GRM5: variants seen among roughly 807,000 people sequenced by gnomAD.
GRM5 encodes metabotropic glutamate receptor 5.
Under a neutral mutation model 83.1 loss-of-function variants are expected in GRM5, and 19 were observed. The observed-to-expected ratio is 0.23, with a 90% CI of 0.16 to 0.34. The LOEUF is 0.34. Among genes scored for constraint, GRM5 ranks in the 10% least tolerant of loss-of-function variants. The pLI is 1.00. For missense variants in GRM5, 1,160 were observed against 1,588.3 expected, an observed-to-expected ratio of 0.73 and a Z score of 4.58; for synonymous variants, 675 against 633.6, an observed-to-expected ratio of 1.07 and a Z score of -0.98.
In GRM5 at chr11:88,763,005, C is replaced by T. The variant is rs541776228; in HGVS notation, c.911+86901G>A. Among the ~76,000 whole-genome samples, 13 of 151,874 alleles carry T rather than the reference C, an allele frequency of 8.6e-5. No individual in the cohort carries two copies. The Middle Eastern group carries it at 0.01, about 119-fold the overall frequency. On this transcript the variant is annotated intron_variant, in intron 3 of 9. Coordinates refer to ENST00000305447, the MANE Select transcript of GRM5 (RefSeq NM_001143831.3). Reference sequence around the variant, plus strand: ...TGGACACATAGAGGAGAATAACAGACGTGGGAGACTACCAGGGGTTGGAGC... The same window carrying T: ...TGGACACATAGAGGAGAATAACAGATGTGGGAGACTACCAGGGGTTGGAGC...
intron 8 of GRM5, among the ~76,000 whole-genome samples, chr11:88,557,237 A>T (rs1162311697): frequency 6.6e-6 from 1 of 152,162 alleles, no homozygotes; most frequent in East Asian, 1.9e-4. Flanking sequence ...CTATGTGAAG[A>T]TCCAATGAGA....
intron 3 of GRM5, among the ~76,000 whole-genome samples, chr11:88,736,011 C>T (rs1394352959): frequency 6.6e-6 from 1 of 152,070 alleles, no homozygotes; most frequent in Non-Finnish European, 1.5e-5. Context: ...CTTCTGAGCA[C>T]TCTCGAAGTT....
chr11:88,603,583 T>C (rs1176851749), intron 5 of GRM5, among the ~76,000 whole-genome samples: 1 of 152,164 alleles, frequency 6.6e-6, no homozygotes, highest in Non-Finnish European at 1.5e-5. Flanking sequence ...AAAATTCAGC[T>C]TATTTTGGCA....
chr11:88,882,926 A>G (rs1271949090), intron 2 of GRM5, among the ~76,000 whole-genome samples: 4 of 152,056 alleles, frequency 2.6e-5, no homozygotes, highest in Non-Finnish European at 4.4e-5. Flanking sequence ...ATGGTTTTGT[A>G]AAGGGGAGTT....
Position 89,057,641 on chromosome 11 carries a change from C to A in GRM5, c.-201+8135G>T, listed in dbSNP as rs182287938. ...TAAACATGATGCAATCCACTGTTAA[C>A]TAGTCTCAGTTTAATTATAAAGCAG... On this transcript the variant is annotated intron_variant, in intron 1 of 9. Transcript: ENST00000305447. Among the ~76,000 whole-genome samples the A allele has an allele frequency of 4.8e-4, 73 of 152,282 alleles. No homozygotes were observed. In the East Asian group the frequency reaches 7.5e-3, roughly 16 times the overall value.
intron 4 of GRM5, among the ~76,000 whole-genome samples, chr11:88,629,235 T>A (rs1938891022): frequency 6.6e-6 from 1 of 152,138 alleles, no homozygotes; most frequent in South Asian, 2.1e-4. Context: ...TAAAATTCCT[T>A]CAAATAACCA....
intron 7 of GRM5, among the ~76,000 whole-genome samples, chr11:88,573,213 T>G (rs1351326140): frequency 6.6e-6 from 1 of 152,194 alleles, no homozygotes. Flanking sequence ...GAAAGTGAGC[T>G]GCCAAAACTA....
intron 2 of GRM5, among the ~76,000 whole-genome samples, chr11:89,012,047 T>C (rs1443083687): frequency 2.6e-5 from 4 of 152,112 alleles, no homozygotes; most frequent in Non-Finnish European, 5.9e-5. Context: ...AATGGATACA[T>C]TTTTTATAAT....
At chr11:88,940,570 G>A (rs1004715594) in intron 2 of GRM5, among the ~76,000 whole-genome samples, 5 of 151,226 alleles carry the variant, frequency 3.3e-5, no homozygotes, top group Non-Finnish European at 5.9e-5. Flanking sequence ...CTAATATGAT[G>A]CAAAATAGTA....
Position 88,508,526 on chromosome 11 carries a change from T to G in GRM5, c.*66A>C. 4 of 1,309,982 alleles carry G rather than the reference T, an allele frequency of 3.1e-6. No homozygotes were observed. The highest frequency in any genetic ancestry group is 4.3e-6 in the Non-Finnish European group (4 of 924,408). 81.1% of individuals were successfully genotyped at this position (1,309,982 alleles called of 1,614,324 possible). A position where few individuals can be genotyped will look rare whatever the true frequency, so the allele number is the denominator to read the frequency against. ...CGTAACCAGGCGACTATGCTTGCCA[T>G]TGTGTGTGTGTGAACACGGGGGGCT... On this transcript the variant is annotated 3_prime_UTR_variant, in exon 10 of 10. Transcript: ENST00000305447. This position sits in a 1 kb window ranked among gnomAD's most constrained non-coding sequence, Gnocchi z 4.2.
intron 3 of GRM5, among the ~76,000 whole-genome samples, chr11:88,781,058 G>T (rs980331068): frequency 3.3e-5 from 5 of 150,846 alleles, no homozygotes; most frequent in African/African-American, 7.3e-5. Flanking sequence ...GGCATATAGA[G>T]CTGGAAAAAC....
chr11:88,889,347 C>G (rs1388469477), intron 2 of GRM5, among the ~76,000 whole-genome samples: 5 of 152,052 alleles, frequency 3.3e-5, no homozygotes, highest in African/African-American at 7.2e-5. Flanking sequence ...AAGGACAGCT[C>G]GCAGGCTTGA....
chr11:88,926,644 T>G (rs915869541), intron 2 of GRM5, among the ~76,000 whole-genome samples: 1 of 152,206 alleles, frequency 6.6e-6, no homozygotes, highest in Admixed American at 6.5e-5. Context: ...TATATTAATT[T>G]TATTTCAAAA....
chr11:88,948,176 A>C (rs557012470), intron 2 of GRM5, among the ~76,000 whole-genome samples: 3 of 149,984 alleles, frequency 2.0e-5, no homozygotes, highest in African/African-American at 7.6e-5. Flanking sequence ...GAAAGAAAAC[A>C]AAAAAGCTGC....
intron 8 of GRM5, among the ~76,000 whole-genome samples, chr11:88,531,159 C>A (rs111272965): frequency 3.2e-4 from 49 of 152,200 alleles, no homozygotes; most frequent in African/African-American, 1.1e-3. Flanking sequence ...CTGGAAGCAG[C>A]GTTGAGTTGC....
intron 3 of GRM5, among the ~76,000 whole-genome samples, chr11:88,790,411 T>G (rs1459423397): frequency 6.6e-6 from 1 of 152,192 alleles, no homozygotes; most frequent in Non-Finnish European, 1.5e-5. Context: ...TTTTAAAAAC[T>G]ATGCATGAAT....
At chr11:88,889,477 C>G (rs563334182) in intron 2 of GRM5, among the ~76,000 whole-genome samples, 18 of 152,228 alleles carry the variant, frequency 1.2e-4, no homozygotes, top group African/African-American at 3.9e-4. Flanking sequence ...ACTGTTACAT[C>G]GTAACATAAT....
rs187007587 is a variant in GRM5, at chr11:88,685,428, T to C, written c.912-32025A>G. On this transcript the variant is annotated intron_variant, in intron 3 of 9. Transcript: ENST00000305447. ...AAGCAGAGTGTAAAGGTTCAGGAAA[T>C]TTGCAGCCTGACAATGTGATAGAAA... 1.1e-3 allele frequency among the ~76,000 whole-genome samples: 163 copies of C among 152,270 alleles called. 1 individual carries two copies. The highest frequency in any genetic ancestry group is 3.7e-3 in the African/African-American group (153 of 41,550).
chr11:88,608,161 G>A (rs1938211718), intron 4 of GRM5, among the ~76,000 whole-genome samples: 1 of 152,126 alleles, frequency 6.6e-6, no homozygotes, highest in Admixed American at 6.6e-5. Context: ...GGCTTCTGAT[G>A]TTTTTTGCTG....
Sources: gnomAD v4.1 joint callset for allele counts (sites outside exome capture counted in the v4.1 genomes callset) on GRCh38, gnomAD v4.1.1 for gene constraint, Gnocchi (gnomAD v3.1) non-coding constraint, MANE v1.5 for transcripts, NCBI Gene and HGNC (gene_info 2026-07-23, HGNC 2026-07-21) for gene names.